HMGN3: variants seen among roughly 807,000 people sequenced by gnomAD.
HMGN3 encodes the protein high mobility group nucleosome-binding domain-containing protein 3.
A neutral mutation model predicts 18.8 loss-of-function variants in HMGN3; 6 were observed. The observed-to-expected ratio is 0.32, with a 90% confidence interval of 0.18 to 0.63. The LOEUF is 0.63. HMGN3 is among the 30% of genes least tolerant of loss of function. The pLI is 0.79. For synonymous variants in HMGN3, 40 were observed against 36.5 expected (o/e 1.10, Z -0.35); for missense variants, 107 against 114.2 (o/e 0.94, Z 0.29).
In HMGN3 at chr6:79,208,499, A is replaced by G. The variant is rs748718099; in HGVS notation, c.96+48T>C. On this transcript the variant is annotated intron_variant, in intron 3 of 5. Coordinates refer to ENST00000344726, the Ensembl canonical transcript of HMGN3. ...TTGCTGCTTCACTTTGGACAAAGGG[A>G]ACATGTACTCATAAGAACTAACACT... 4 of 1,448,488 alleles carry G rather than the reference A, an allele frequency of 2.8e-6. No homozygotes were observed. In the South Asian group the frequency reaches 4.6e-5, roughly 17 times the overall value. The allele number at this position is 1,448,488 out of a possible 1,614,324, so 89.7% of individuals were successfully genotyped here. A position where few individuals can be genotyped will look rare whatever the true frequency, so the allele number is the denominator to read the frequency against.
In HMGN3 at chr6:79,231,601, G is replaced by A. The variant is rs990256727; in HGVS notation, c.15+2945C>T. 2.0e-5 allele frequency among the ~76,000 whole-genome samples: 3 copies of A among 152,116 alleles called. No individual in the cohort carries two copies. The East Asian group carries it at 5.8e-4, about 29-fold the overall frequency. On this transcript the variant is annotated intron_variant, in intron 1 of 5. Transcript: ENST00000344726. ...TAAAACTTACAAAGAAATGTCATCA[G>A]AACATTTTAATATTAATTCAGATGA...
At chr6:79,232,481 A>C (rs1264342557) in intron 1 of HMGN3, among the ~76,000 whole-genome samples, 1 of 152,190 alleles carries the variant, frequency 6.6e-6, no homozygotes, top group East Asian at 1.9e-4. Context: ...CTCAGGAATG[A>C]CACACAGGTG....
At chr6:79,207,212 G>A (rs537409618) in intron 3 of HMGN3, among the ~76,000 whole-genome samples, 92 of 152,278 alleles carry the variant, frequency 6.0e-4, no homozygotes, top group African/African-American at 2.1e-3. Flanking sequence ...GTGAGGACAT[G>A]AGATTTGGGC....
At chr6:79,201,976 T>G (rs1776158589) in intron 5 of HMGN3, 87 bp downstream of exon 6, 1 of 1,472,260 alleles carries the variant, frequency 6.8e-7, no homozygotes, top group African/African-American at 1.4e-5. Context: ...GCTCCCACTC[T>G]TCATAATGAT....
Position 79,202,336 on chromosome 6 carries a change from CT to C in HMGN3, c.200del (p.Lys67SerfsTer28). 6.2e-7 allele frequency: 1 copy of C among 1,614,178 alleles called. No homozygotes were observed. The highest frequency in any genetic ancestry group is 8.5e-7 in the Non-Finnish European group (1 of 1,180,032). ...CAGTACCTTCCTTTCCAGCTTCCTG[CT>C]TTTCCTCCTTCTTCCCTTTAGCACC... On this transcript the variant is annotated frameshift_variant, in exon 5 of 6. Coordinates refer to ENST00000344726, the Ensembl canonical transcript of HMGN3. LOFTEE classifies it high-confidence loss of function.
At chr6:79,221,731 A>G (rs1777293476) in intron 1 of HMGN3, among the ~76,000 whole-genome samples, 1 of 152,214 alleles carries the variant, frequency 6.6e-6, no homozygotes, top group African/African-American at 2.4e-5. Flanking sequence ...AGTGTGGAGA[A>G]GGACACTGAG....
intron 4 of HMGN3, among the ~76,000 whole-genome samples, chr6:79,203,150 GCCAATATT>G: frequency 6.6e-6 from 1 of 152,252 alleles, no homozygotes; most frequent in East Asian, 1.9e-4. Flanking sequence ...CCTTATAAAT[GCCAATATT>G]ACCTGCTGGC....
chr6:79,210,537 T>C (rs1776634071), intron 2 of HMGN3, among the ~76,000 whole-genome samples: 1 of 152,134 alleles, frequency 6.6e-6, no homozygotes, highest in Admixed American at 6.5e-5. Flanking sequence ...TCTCTTATAT[T>C]TCTATGGCTC....
intron 1 of HMGN3, among the ~76,000 whole-genome samples, chr6:79,229,693 C>T (rs112749390): frequency 0.029 from 4,483 of 152,140 alleles, 85 homozygotes; most frequent in Middle Eastern, 0.071. Context: ...CTGGCTAACA[C>T]GGTGAAACCC....
chr6:79,201,285 G>C (rs1297475424), exon 6 of HMGN3: 1 of 167,236 alleles, frequency 6.0e-6, no homozygotes, highest in East Asian at 1.6e-4. Context: ...ACCACAAATA[G>C]TCAGCAGGTG....
At chr6:79,203,673 A>G in intron 3 of HMGN3, 43 bp from the exon 4 acceptor site, 1 of 1,456,064 alleles carries the variant, frequency 6.9e-7, no homozygotes. Context: ...AAAAAAAAAA[A>G]AAACTATCAG....
chr6:79,202,174 C>G lies in HMGN3; in HGVS notation c.261+102G>C. 3 of 1,601,424 alleles carry G rather than the reference C, an allele frequency of 1.9e-6. No homozygotes were observed. Among genetic ancestry groups the G allele is most frequent in the African/African-American group, 1.3e-5 (1 of 74,936 alleles). ...TGTGGATCTGCAATAACATTACAGGCAATAAAAAGAGACATTAAGAACGTG... is the reference window on the plus strand; with the variant it reads ...TGTGGATCTGCAATAACATTACAGGGAATAAAAAGAGACATTAAGAACGTG... On this transcript the variant is annotated intron_variant, in intron 5 of 5. Transcript: ENST00000344726.
intron 3 of HMGN3, 120 bp from the exon 4 acceptor site, chr6:79,203,750 A>G (rs1776269874): frequency 1.3e-6 from 1 of 754,484 alleles, no homozygotes; most frequent in South Asian, 1.6e-5. Context: ...TGGTCATTAA[A>G]AAGTATTTCA....
chr6:79,231,576 T>G (rs138915523), intron 1 of HMGN3, among the ~76,000 whole-genome samples: 1 of 152,318 alleles, frequency 6.6e-6, no homozygotes, highest in African/African-American at 2.4e-5. Flanking sequence ...AAGATACACA[T>G]AAAACTTACA....
At chr6:79,212,181 T>C (rs1305214416) in intron 2 of HMGN3, among the ~76,000 whole-genome samples, 1 of 152,148 alleles carries the variant, frequency 6.6e-6, no homozygotes, top group Non-Finnish European at 1.5e-5. Flanking sequence ...TTTAGGACTG[T>C]CATAAAAGGG....
chr6:79,230,265 C>T (rs931741244), intron 1 of HMGN3, among the ~76,000 whole-genome samples: 2 of 151,928 alleles, frequency 1.3e-5, no homozygotes, highest in Non-Finnish European at 2.9e-5. Context: ...TAGATTAGTG[C>T]CTAGGGCTAG....
chr6:79,219,091 T>G (rs1453641200), intron 1 of HMGN3, among the ~76,000 whole-genome samples: 1 of 152,050 alleles, frequency 6.6e-6, no homozygotes, highest in Non-Finnish European at 1.5e-5. Flanking sequence ...CAAAGTAAAG[T>G]CTTGACTCCC....
chr6:79,206,565 A>G (rs534569588), intron 3 of HMGN3, among the ~76,000 whole-genome samples: 57 of 152,308 alleles, frequency 3.7e-4, no homozygotes, highest in Admixed American at 1.8e-3. Context: ...GACGTATGGA[A>G]ACAACTGGAT....
At chr6:79,230,618 C>T (rs956620851) in intron 1 of HMGN3, among the ~76,000 whole-genome samples, 2 of 152,134 alleles carry the variant, frequency 1.3e-5, no homozygotes, top group Non-Finnish European at 2.9e-5. Flanking sequence ...TAAAACCAAA[C>T]ATTTCTGTCT....
Sources: gnomAD v4.1 joint callset for allele counts (sites outside exome capture counted in the v4.1 genomes callset) on GRCh38, gnomAD v4.1.1 for gene constraint, MANE v1.5 for transcripts, NCBI Gene and HGNC (gene_info 2026-07-23, HGNC 2026-07-21) for gene names.